Variants in MYH11 observed in about 807,000 individuals in gnomAD.
The protein encoded by MYH11 is myosin heavy chain 11, also known as myosin-11.
In MYH11, 80 loss-of-function variants were observed where a neutral mutation model predicts 246.6. That is an observed-to-expected ratio of 0.32 (90% CI 0.27 to 0.39). The LOEUF (loss-of-function observed/expected upper bound fraction) is 0.39. Among genes scored for constraint, MYH11 ranks in the 10% least tolerant of loss-of-function variants. The pLI, the probability that MYH11 is intolerant of heterozygous loss-of-function variation, is 1.00. For synonymous variants in MYH11, 1,071 were observed against 1,015.5 expected (o/e 1.05, Z -1.04); for missense variants, 2,158 against 2,546.8 (o/e 0.85, Z 3.29).
At chr16:15,779,171 G>T in intron 6 of MYH11, 5 of 416,078 alleles carry the variant, frequency 1.2e-5, no homozygotes, top group South Asian at 1.1e-4. Context: ...CTCTGTCAGC[G>T]AGGGCTGGAG....
rs1314103972 is a variant in MYH11 at position 15,747,639 on chromosome 16, T to A, written c.2342A>T (p.Glu781Val). The A allele has an allele frequency of 6.2e-7, 1 of 1,613,828 alleles. No homozygotes were observed. The highest frequency in any genetic ancestry group is 8.5e-7 in the Non-Finnish European group (1 of 1,180,002). Residue 781 changes from glutamate to valine, a missense_variant, in exon 19 of 41, where the codon GAG (glutamate) becomes GTG (valine). Glu to Val is a moderately radical substitution (Grantham distance 121, BLOSUM62 -2). Around this residue, in one of 11 missense-constraint regions of MYH11, gnomAD observed 90 missense variants for 144.2 expected, o/e 0.62. Transcript: ENST00000300036. ...GACATCGGTGATCTTCAAATCTCGCTCCTCCTCTAGGTGGGCCAGGACGCC... is the reference window on the plus strand; with the variant it reads ...GACATCGGTGATCTTCAAATCTCGCACCTCCTCTAGGTGGGCCAGGACGCC... ...RTGVLAHLEE[E>V]RDLKITDVIM...
chr16:15,852,184 T>C (rs1293969091), intron 1 of MYH11, among the ~76,000 whole-genome samples: 1 of 152,124 alleles, frequency 6.6e-6, no homozygotes, highest in Admixed American at 6.6e-5. Context: ...ATCTAACCAA[T>C]GCCTGATGAT....
chr16:15,703,277 G>A lies in MYH11; in HGVS notation c.*714C>T, dbSNP rs1270933751. ...ACAGAAGGCACTTGGTGAACTGTGC[G>A]TGTCTGAGGTGTGGAAACCAGGAGA... On this transcript the variant is annotated 3_prime_UTR_variant, in exon 41 of 41. Coordinates refer to ENST00000300036, the MANE Select transcript of MYH11 (RefSeq NM_002474.3). 12 of 223,598 alleles carry A rather than the reference G, an allele frequency of 5.4e-5. 1 individual carries two copies. Among genetic ancestry groups the A allele is most frequent in the Non-Finnish European group, 9.8e-5 (11 of 111,770 alleles). The allele number at this position is 223,598 out of a possible 1,614,324, so 13.9% of individuals were successfully genotyped here.
intron 40 of MYH11, chr16:15,711,333 T>C (rs987905547): frequency 2.0e-5 from 3 of 152,200 alleles, no homozygotes; most frequent in African/African-American, 7.2e-5. Flanking sequence ...AATTATGATG[T>C]CAGAGAGAGT....
intron 1 of MYH11, among the ~76,000 whole-genome samples, chr16:15,840,937 G>A (rs1196193166): frequency 1.3e-5 from 2 of 152,124 alleles, no homozygotes; most frequent in Admixed American, 6.6e-5. Flanking sequence ...TTGTCATAAA[G>A]TATTTGTCTT....
At chr16:15,704,659 C>T (rs1490323010) in intron 40 of MYH11, among the ~76,000 whole-genome samples, 2 of 152,148 alleles carry the variant, frequency 1.3e-5, no homozygotes, top group African/African-American at 2.4e-5. Context: ...GAGAAGGACA[C>T]AGAGGGGCTC....
intron 3 of MYH11, among the ~76,000 whole-genome samples, chr16:15,799,053 T>C (rs1378448299): frequency 1.3e-5 from 2 of 152,238 alleles, no homozygotes; most frequent in Non-Finnish European, 2.9e-5. Flanking sequence ...TAGCCACTTC[T>C]CCGCTCTGTG....
chr16:15,826,252 C>A (rs1050060772), intron 2 of MYH11, among the ~76,000 whole-genome samples: 1 of 152,076 alleles, frequency 6.6e-6, no homozygotes, highest in African/African-American at 2.4e-5. Context: ...AGGATCCCAG[C>A]CCTCAAGGGC....
chr16:15,735,719 T>G (rs947865188), intron 25 of MYH11, 141 bp from the exon 26 acceptor site: 17 of 808,226 alleles, frequency 2.1e-5, no homozygotes, highest in Non-Finnish European at 3.3e-5. Flanking sequence ...CAGGTCTGCT[T>G]CTTGACATGC....
chr16:15,851,866 G>A (rs1282887047), intron 1 of MYH11, among the ~76,000 whole-genome samples: 1 of 152,112 alleles, frequency 6.6e-6, no homozygotes, highest in Admixed American at 6.5e-5. Context: ...GCTTCTGGAA[G>A]CGAGCAAGAA....
chr16:15,823,164 G>C, intron 3 of MYH11, 91 bp downstream of exon 3: 1 of 1,574,378 alleles, frequency 6.4e-7, no homozygotes, highest in East Asian at 2.2e-5. Flanking sequence ...CGCAGTGCCT[G>C]CCAAACTCCA....
At position 15,747,916 on chromosome 16, in the gene MYH11, G is replaced by A. The variant is rs12931799; in HGVS notation, c.2208C>T (p.Ile736=). The change falls in exon 18 of 41, where the codon ATC becomes ATT. Residue 736 remains isoleucine (I), a synonymous_variant. Coordinates refer to ENST00000300036, the MANE Select transcript of MYH11 (RefSeq NM_002474.3). ...GCTTCCCGTCCATGAAGCCTTTGGG[G>A]ATGGCATTCGCCGCCAGGATCTCGT... ...QRYEILAANA[I]PKGFMDGKQA... 0.045 allele frequency: 72,316 copies of A among 1,613,904 alleles called. 2,504 individuals carry two copies. The highest frequency in any genetic ancestry group is 0.15 in the African/African-American group (11,025 of 74,908).
chr16:15,726,883 G>T lies in MYH11; in HGVS notation c.3823C>A (p.Arg1275=), dbSNP rs1182738877. The T allele has an allele frequency of 1.9e-6, 3 of 1,612,268 alleles. No individual in the cohort carries two copies. The highest frequency in any genetic ancestry group is 1.3e-5 in the African/African-American group (1 of 74,976). Residue 1275 remains arginine (R), a synonymous_variant, in exon 28 of 41, where the codon CGG becomes AGG. Coordinates refer to ENST00000300036, the MANE Select transcript of MYH11 (RefSeq NM_002474.3). ...QSKCSDGERA[R]AELNDKVHKL... is the part of the protein sequence containing the mutation. ...TGGACTTTGTCATTGAGCTCCGCCC[G>T]GGCCCGCTCCCCATCGCTGCACTTG... is the stretch of plus-strand genomic sequence containing the variant.
rs1406759108 is a variant in MYH11, at chr16:15,704,231, A to G, written c.5787-108T>C. 8 of 1,373,888 alleles carry G rather than the reference A, an allele frequency of 5.8e-6. No individual in the cohort carries two copies. The African/African-American group carries it at 1.0e-4, about 18-fold the overall frequency. 85.1% of individuals were successfully genotyped at this position (1,373,888 alleles called of 1,614,324 possible). On this transcript the variant is annotated intron_variant, in intron 40 of 40. Transcript: ENST00000300036. ...GTAGCTATAGTCCTATTGCAATATA[A>G]ATTTTTTTTATGGCAGAAAACACAC...
chr16:15,734,077 G>C (rs2041045476), intron 26 of MYH11, among the ~76,000 whole-genome samples: 1 of 152,226 alleles, frequency 6.6e-6, no homozygotes. Flanking sequence ...TTTCACTAGA[G>C]TCAGGATTCG....
At position 15,721,051 on chromosome 16, in the gene MYH11, C is replaced by T. The variant is rs774544947; in HGVS notation, c.4579G>A (p.Val1527Ile). ...CGCTTGGACTTCTCCAGCTCATGGA[C>T]CTGCCGGCAGAGCGGGCAGCCCCAT... The part of the protein sequence containing the change: ...VSSKDDVGKN[V>I]HELEKSKRAL... Residue 1527 changes from valine to isoleucine, a missense_variant and splice_region_variant, in exon 33 of 41, where the codon GTC (valine) becomes ATC (isoleucine). Val to Ile is a conservative substitution (Grantham distance 29). Transcript: ENST00000300036. 6.2e-7 allele frequency: 1 copy of T among 1,613,922 alleles called. No individual in the cohort carries two copies. Among genetic ancestry groups the T allele is most frequent in the South Asian group, 1.1e-5 (1 of 91,076 alleles).
At chr16:15,843,704 A>AT (rs1306218735) in intron 1 of MYH11, among the ~76,000 whole-genome samples, 1 of 151,240 alleles carries the variant, frequency 6.6e-6, no homozygotes, top group Admixed American at 6.6e-5. Context: ...CGTCTCAAAA[A>AT]AAAAAAAAGA....
intron 3 of MYH11, among the ~76,000 whole-genome samples, chr16:15,815,463 A>G (rs62030627): frequency 0.14 from 20,867 of 152,148 alleles, 1,484 homozygotes; most frequent in East Asian, 0.15. Context: ...AAGTTGAGGT[A>G]AGTGCCCAGA....
At position 15,717,174 on chromosome 16, in the gene MYH11, C is replaced by T. The variant is rs147710374; in HGVS notation, c.5470G>A (p.Ala1824Thr). The T allele has an allele frequency of 6.6e-5, 107 of 1,614,204 alleles. No homozygotes were observed. The African/African-American group carries it at 1.3e-3, about 19-fold the overall frequency. The change falls in exon 38 of 41, where the codon GCA (alanine) becomes ACA (threonine). Residue 1824 changes from alanine to threonine, a missense_variant. Ala to Thr is a moderately conservative substitution (Grantham distance 58). This residue lies in a region of MYH11 where 1,013 missense variants were observed against 993.5 expected (regional missense o/e 1.02). Transcript: ENST00000300036. Reference sequence around the variant, plus strand: ...TGCTCGACCTGCTCCTCCAGCTGTGCAATCTTGGCCTCCAGCGCCGCGATG... The same window carrying T: ...TGCTCGACCTGCTCCTCCAGCTGTGTAATCTTGGCCTCCAGCGCCGCGATG... ...STIAALEAKI[A>T]QLEEQVEQEA... is the part of the protein sequence containing the mutation.
Sources: gnomAD v4.1 joint callset for allele counts (sites outside exome capture counted in the v4.1 genomes callset) on GRCh38, gnomAD v4.1.1 for gene constraint, gnomAD v4.1.1 regional missense constraint, MANE v1.5 for transcripts, NCBI Gene and HGNC (gene_info 2026-07-23, HGNC 2026-07-21) for gene names.